CADPS2: variants seen among roughly 807,000 people sequenced by gnomAD.
The protein encoded by CADPS2 is calcium-dependent secretion activator 2.
A neutral mutation model predicts 172.5 loss-of-function variants in CADPS2; 93 were observed. The observed-to-expected ratio is 0.54, with a 90% confidence interval of 0.46 to 0.64. The LOEUF is 0.64. Ranked by LOEUF, CADPS2 falls within the 30% of genes least tolerant of loss-of-function variation. The pLI, the probability that CADPS2 is intolerant of heterozygous loss-of-function variation, is 0.00. For missense variants in CADPS2, 1,420 were observed against 1,565.9 expected (o/e 0.91, Z 1.57); for synonymous variants, 546 against 555.2 (o/e 0.98, Z 0.23).
At chr7:122,716,087 A>C (rs988283644) in intron 2 of CADPS2, among the ~76,000 whole-genome samples, 26 of 152,146 alleles carry the variant, frequency 1.7e-4, no homozygotes, top group African/African-American at 6.3e-4. Context: ...TCCATTTTGT[A>C]TATATGTCAT....
intron 15 of CADPS2, among the ~76,000 whole-genome samples, chr7:122,446,344 G>A (rs2052199208): frequency 6.6e-6 from 1 of 152,028 alleles, no homozygotes; most frequent in Non-Finnish European, 1.5e-5. Flanking sequence ...AAATATGCTT[G>A]ATCTCTGTAT....
chr7:122,404,965 A>G (rs1047773150), intron 20 of CADPS2, among the ~76,000 whole-genome samples: 1 of 152,038 alleles, frequency 6.6e-6, no homozygotes, highest in Non-Finnish European at 1.5e-5. Flanking sequence ...TCTCTACTAA[A>G]AATACAAAAA....
intron 28 of CADPS2, among the ~76,000 whole-genome samples, chr7:122,342,819 A>AGT (rs2036984410): frequency 6.6e-6 from 1 of 152,164 alleles, no homozygotes; most frequent in Non-Finnish European, 1.5e-5. Flanking sequence ...CTCTAATTGG[A>AGT]ATAGCAAAAG....
chr7:122,593,404 A>G (rs2071217771), intron 6 of CADPS2, among the ~76,000 whole-genome samples: 1 of 152,068 alleles, frequency 6.6e-6, no homozygotes, highest in Admixed American at 6.6e-5. Flanking sequence ...AGGGCTACCA[A>G]GTACAGACCC....
intron 3 of CADPS2, among the ~76,000 whole-genome samples, chr7:122,647,944 T>C (rs1208838461): frequency 1.3e-5 from 2 of 152,218 alleles, no homozygotes; most frequent in African/African-American, 2.4e-5. Flanking sequence ...AAGCTTTTCA[T>C]CTTAACTATT....
chr7:122,646,047 C>T (rs1213717850), intron 3 of CADPS2, among the ~76,000 whole-genome samples: 1 of 151,794 alleles, frequency 6.6e-6, no homozygotes, highest in Non-Finnish European at 1.5e-5. Flanking sequence ...AGTAAAGTAA[C>T]AAAGACACTA....
chr7:122,434,117 G>GA (rs1439402792), intron 17 of CADPS2, among the ~76,000 whole-genome samples: 1 of 152,188 alleles, frequency 6.6e-6, no homozygotes, highest in Non-Finnish European at 1.5e-5. Flanking sequence ...TTGTAGGGGA[G>GA]AAAATGCCTT....
chr7:122,816,699 AT>A (rs1406777077), intron 1 of CADPS2, among the ~76,000 whole-genome samples: 1 of 152,182 alleles, frequency 6.6e-6, no homozygotes, highest in Non-Finnish European at 1.5e-5. Context: ...AGCATCCATT[AT>A]TGCCTGTCTT....
At chr7:122,346,684 T>C (rs958062688) in intron 27 of CADPS2, among the ~76,000 whole-genome samples, 15 of 152,200 alleles carry the variant, frequency 9.9e-5, no homozygotes, top group African/African-American at 3.6e-4. Flanking sequence ...TTAAATACCT[T>C]TCCAAAGTTA....
intron 1 of CADPS2, among the ~76,000 whole-genome samples, chr7:122,851,761 A>G (rs1343067253): frequency 6.6e-6 from 1 of 152,166 alleles, no homozygotes; most frequent in Non-Finnish European, 1.5e-5. Flanking sequence ...CTTATTCACT[A>G]TCATGAGAAC....
intron 8 of CADPS2, among the ~76,000 whole-genome samples, chr7:122,527,725 A>C (rs2061389924): frequency 1.3e-5 from 2 of 151,874 alleles, no homozygotes; most frequent in African/African-American, 4.8e-5. Context: ...GCCCAGTCAC[A>C]GATAGTGCTA....
rs141457305 is a variant in CADPS2, at chr7:122,367,606, G to A, written c.3388-6593C>T. Among the ~76,000 whole-genome samples the A allele has an allele frequency of 4.2e-4, 59 of 141,738 alleles. No individual in the cohort carries two copies. The East Asian group carries it at 8.4e-3, about 20-fold the overall frequency. The allele number at this position is 141,738 out of a possible 152,430, so 93.0% of individuals were successfully genotyped here. A position where few individuals can be genotyped will look rare whatever the true frequency, so the allele number is the denominator to read the frequency against. ...GTCACCCAGGCTGGAGTGCAACGGC[G>A]TGATCTCAGTTCACTGCAATCTCTG... On this transcript the variant is annotated intron_variant, in intron 25 of 29. Coordinates refer to ENST00000449022, the MANE Select transcript of CADPS2 (RefSeq NM_017954.11).
chr7:122,571,516 C>A (rs1384536105), intron 7 of CADPS2, among the ~76,000 whole-genome samples: 1 of 152,126 alleles, frequency 6.6e-6, no homozygotes, highest in African/African-American at 2.4e-5. Flanking sequence ...ACAGTGAAGA[C>A]TCAGGCCAAC....
intron 1 of CADPS2, among the ~76,000 whole-genome samples, chr7:122,835,004 G>A (rs573257436): frequency 5.9e-5 from 9 of 152,106 alleles, no homozygotes; most frequent in East Asian, 3.9e-4. Context: ...GGTCCCTGAC[G>A]CCCGAGTAGC....
intron 20 of CADPS2, among the ~76,000 whole-genome samples, chr7:122,399,946 T>A (rs2045732369): frequency 6.8e-6 from 1 of 147,568 alleles, no homozygotes; most frequent in Non-Finnish European, 1.5e-5. Context: ...AGTGCTGGGA[T>A]TACAGGCGTG....
At chr7:122,520,597 C>T (rs992825208) in intron 8 of CADPS2, among the ~76,000 whole-genome samples, 43 of 151,924 alleles carry the variant, frequency 2.8e-4, no homozygotes, top group African/African-American at 9.2e-4. Context: ...AAAGACATAG[C>T]TAATATTCTC....
intron 2 of CADPS2, among the ~76,000 whole-genome samples, chr7:122,734,789 A>T (rs1474850746): frequency 6.6e-6 from 1 of 152,126 alleles, no homozygotes; most frequent in Non-Finnish European, 1.5e-5. Context: ...GTAACTCCAC[A>T]AATGCACCCC....
chr7:122,599,664 C>T (rs191029034), intron 6 of CADPS2, among the ~76,000 whole-genome samples: 84 of 152,122 alleles, frequency 5.5e-4, no homozygotes, highest in African/African-American at 1.9e-3. Context: ...TTTTGTCAAC[C>T]GTAGAATTTA....
rs142429516 is a variant in CADPS2, at chr7:122,459,407, C to T, written c.2187-7932G>A. 3.2e-3 allele frequency among the ~76,000 whole-genome samples: 485 copies of T among 152,010 alleles called. 3 individuals carry two copies. The highest frequency in any genetic ancestry group is 0.011 in the African/African-American group (454 of 41,498). ...CAAAGGTATATTGCTAGGTTAAATG[C>T]ACGATATTTTCAAGTATTCGATACA... On this transcript the variant is annotated intron_variant, in intron 14 of 29. Transcript: ENST00000449022.
Sources: gnomAD v4.1 joint callset for allele counts (sites outside exome capture counted in the v4.1 genomes callset) on GRCh38, gnomAD v4.1.1 for gene constraint, MANE v1.5 for transcripts, NCBI Gene and HGNC (gene_info 2026-07-23, HGNC 2026-07-21) for gene names.